FAM13A: variants seen among roughly 807,000 people sequenced by gnomAD.
FAM13A encodes family with sequence similarity 13 member A.
In FAM13A, 76 loss-of-function variants were observed where a neutral mutation model predicts 129.6. The observed-to-expected ratio is 0.59, with a 90% confidence interval of 0.49 to 0.71. The LOEUF (loss-of-function observed/expected upper bound fraction) is 0.71. Among genes scored for constraint, FAM13A ranks in the 30% least tolerant of loss-of-function variants. The probability of loss-of-function intolerance (pLI) is 0.00; values close to 1 mark genes in which losing one functional copy is unlikely to be tolerated. For missense variants in FAM13A, 1,108 were observed against 1,249.3 expected (o/e 0.89, Z 1.70); for synonymous variants, 443 against 449.9 (o/e 0.98, Z 0.20).
chr4:89,043,624 TACA>T (rs1216405931), intron 1 of FAM13A, among the ~76,000 whole-genome samples: 1 of 152,040 alleles, frequency 6.6e-6, no homozygotes, highest in African/African-American at 2.4e-5. Context: ...ACAATCTTCC[TACA>T]ACAACTCATC....
At chr4:88,775,525 C>G (rs1050770850) in intron 11 of FAM13A, among the ~76,000 whole-genome samples, 6 of 152,014 alleles carry the variant, frequency 3.9e-5, no homozygotes, top group Non-Finnish European at 8.8e-5. Flanking sequence ...CCTCACACTT[C>G]TGAAACTCTG....
Position 88,788,255 on chromosome 4 carries a change from GA to G in FAM13A, c.1092-324del, listed in dbSNP as rs372616730. Among the ~76,000 whole-genome samples the G allele has an allele frequency of 1.2e-3, 184 of 152,246 alleles. 1 individual carries two copies. Among genetic ancestry groups the G allele is most frequent in the Middle Eastern group, 0.01 (3 of 294 alleles). Reference sequence around the variant, plus strand: ...GTCAATCAATATAAGGAAGAATGAGGAAAGATTTTTTTTGCCCTCATAGAAT... The same window carrying G: ...GTCAATCAATATAAGGAAGAATGAGGAAGATTTTTTTTGCCCTCATAGAAT... On this transcript the variant is annotated intron_variant, in intron 9 of 23. Coordinates refer to ENST00000264344, the MANE Select transcript of FAM13A (RefSeq NM_014883.4).
At chr4:88,943,682 C>T (rs1426950742) in intron 4 of FAM13A, among the ~76,000 whole-genome samples, 2 of 152,192 alleles carry the variant, frequency 1.3e-5, no homozygotes, top group African/African-American at 4.8e-5. Flanking sequence ...TTTCTGCTAA[C>T]CTTGAGATAA....
chr4:88,883,057 A>G (rs1482951910), intron 6 of FAM13A, among the ~76,000 whole-genome samples: 2 of 152,184 alleles, frequency 1.3e-5, no homozygotes, highest in African/African-American at 4.8e-5. Flanking sequence ...CAGCAATACA[A>G]TAATAGTCAG....
intron 7 of FAM13A, among the ~76,000 whole-genome samples, chr4:88,810,870 T>C (rs896275839): frequency 6.6e-6 from 1 of 152,176 alleles, no homozygotes; most frequent in African/African-American, 2.4e-5. Context: ...TCACAAAAAT[T>C]ATTCTTAGTT....
intron 1 of FAM13A, among the ~76,000 whole-genome samples, chr4:89,053,875 T>C (rs1771901726): frequency 6.6e-6 from 1 of 152,296 alleles, no homozygotes; most frequent in Non-Finnish European, 1.5e-5. Context: ...TATATCCTGA[T>C]GCCACATTGG....
intron 4 of FAM13A, chr4:88,990,763 A>C (rs1762829427): frequency 2.3e-6 from 1 of 429,356 alleles, no homozygotes; most frequent in African/African-American, 2.0e-5. Context: ...GATTTATTGC[A>C]AATTATAGTT....
chr4:88,792,181 T>A (rs1380805826), intron 8 of FAM13A, among the ~76,000 whole-genome samples: 1 of 152,042 alleles, frequency 6.6e-6, no homozygotes, highest in African/African-American at 2.4e-5. Flanking sequence ...TCACTTATTA[T>A]TTACAATAAC....
chr4:88,967,543 G>T, intron 4 of FAM13A, among the ~76,000 whole-genome samples: 1 of 152,132 alleles, frequency 6.6e-6, no homozygotes, highest in East Asian at 1.9e-4. Flanking sequence ...TATATTCAGG[G>T]TCTTCATATT....
At chr4:88,881,767 G>A (rs1743614646) in intron 6 of FAM13A, among the ~76,000 whole-genome samples, 9 of 151,430 alleles carry the variant, frequency 5.9e-5, no homozygotes, top group Admixed American at 5.9e-4. Context: ...CAGTGAAATA[G>A]ATAGCATAAA....
chr4:88,920,750 T>A (rs191668300), intron 5 of FAM13A, among the ~76,000 whole-genome samples: 4 of 152,004 alleles, frequency 2.6e-5, no homozygotes, highest in Admixed American at 1.3e-4. Context: ...ATCAAACTAC[T>A]CCGAGCTACA....
At chr4:88,852,269 C>G (rs983360149) in intron 6 of FAM13A, among the ~76,000 whole-genome samples, 4 of 151,626 alleles carry the variant, frequency 2.6e-5, no homozygotes, top group Non-Finnish European at 5.9e-5. Context: ...TCAAGCGATT[C>G]TCCTTCCTCA....
At chr4:88,840,276 A>C (rs1735598474) in intron 7 of FAM13A, among the ~76,000 whole-genome samples, 1 of 152,230 alleles carries the variant, frequency 6.6e-6, no homozygotes, top group South Asian at 2.1e-4. Flanking sequence ...ACAAGAACAC[A>C]TTAAGTGGTG....
At chr4:88,847,416 A>G (rs996458214) in intron 7 of FAM13A, among the ~76,000 whole-genome samples, 7 of 152,192 alleles carry the variant, frequency 4.6e-5, no homozygotes, top group Non-Finnish European at 1.0e-4. Context: ...TAGAAAAAAT[A>G]TAAGAAATGT....
intron 4 of FAM13A, among the ~76,000 whole-genome samples, chr4:88,966,745 AAAT>A (rs1451515658): frequency 6.6e-6 from 1 of 152,180 alleles, no homozygotes; most frequent in African/African-American, 2.4e-5. Flanking sequence ...TGAACTACCA[AAAT>A]AAGTTCATAA....
intron 11 of FAM13A, among the ~76,000 whole-genome samples, chr4:88,779,226 T>C (rs1269307929): frequency 6.6e-6 from 1 of 152,180 alleles, no homozygotes; most frequent in Non-Finnish European, 1.5e-5. Context: ...AGATGACATA[T>C]AATTATGTAT....
intron 22 of FAM13A, 108 bp from the exon 23 acceptor site, chr4:88,731,536 T>C: frequency 1.6e-6 from 1 of 628,782 alleles, no homozygotes; most frequent in Non-Finnish European, 2.7e-6. Context: ...GGCAAGTAAA[T>C]GCAGAAACTG....
chr4:88,813,785 C>T (rs984782098), intron 7 of FAM13A, among the ~76,000 whole-genome samples: 13 of 152,086 alleles, frequency 8.5e-5, no homozygotes, highest in Middle Eastern at 3.2e-3. Context: ...CTTGACTTTC[C>T]GCTGCTTTTT....
intron 7 of FAM13A, among the ~76,000 whole-genome samples, chr4:88,809,580 A>G (rs1729241440): frequency 2.0e-5 from 3 of 152,168 alleles, no homozygotes; most frequent in African/African-American, 7.2e-5. Context: ...AAAAGTATAA[A>G]GTAAACATTT....
Sources: allele counts gnomAD v4.1 joint callset (sites outside exome capture counted in the v4.1 genomes callset), GRCh38; gene constraint gnomAD v4.1.1; transcripts MANE v1.5; gene names NCBI Gene and HGNC (gene_info 2026-07-23, HGNC 2026-07-21).